TSPEAR: variants seen among roughly 807,000 people sequenced by gnomAD.
TSPEAR encodes thrombospondin-type laminin G domain and EAR repeat-containing protein.
Under a neutral mutation model 71.6 loss-of-function variants are expected in TSPEAR, and 69 were observed. That is an observed-to-expected ratio of 0.96 (90% CI 0.79 to 1.18). The LOEUF (loss-of-function observed/expected upper bound fraction) is 1.18. TSPEAR is among the 50% of genes most tolerant of loss of function. The pLI, the probability that TSPEAR is intolerant of heterozygous loss-of-function variation, is 0.00. For synonymous variants in TSPEAR, 402 were observed against 387.2 expected, an observed-to-expected ratio of 1.04 and a Z score of -0.45; for missense variants, 971 against 894.9, an observed-to-expected ratio of 1.09 and a Z score of -1.09.
intron 1 of TSPEAR, among the ~76,000 whole-genome samples, chr21:44,704,068 T>C (rs562989068): frequency 1.6e-4 from 25 of 152,290 alleles, no homozygotes; most frequent in Non-Finnish European, 2.6e-4. Context: ...ATGCCCTCAA[T>C]TGGGCCAGCT....
At chr21:44,678,851 A>C (rs1986446037) in intron 1 of TSPEAR, among the ~76,000 whole-genome samples, 1 of 152,250 alleles carries the variant, frequency 6.6e-6, no homozygotes, top group Non-Finnish European at 1.5e-5. Context: ...CTGAAAAAGT[A>C]AGCAAAAAGG....
At chr21:44,707,444 G>A (rs1286493907) in intron 1 of TSPEAR, among the ~76,000 whole-genome samples, 1 of 152,214 alleles carries the variant, frequency 6.6e-6, no homozygotes, top group Non-Finnish European at 1.5e-5. Flanking sequence ...CAGACCCGTC[G>A]GGGCCCTCGT....
rs149391083 is a variant in TSPEAR, at chr21:44,607,707, G to C, written c.83-39702C>G. On this transcript the variant is annotated intron_variant, in intron 1 of 11. Coordinates refer to ENST00000323084, the MANE Select transcript of TSPEAR (RefSeq NM_144991.3). Reference sequence around the variant, plus strand: ...CAGATTGAAATAGATGACCAATACCGAGTGTCAGCAAATGTGTGCAGGAAA... The same window carrying C: ...CAGATTGAAATAGATGACCAATACCCAGTGTCAGCAAATGTGTGCAGGAAA... Among the ~76,000 whole-genome samples, 1,139 of 152,152 alleles carry C rather than the reference G, an allele frequency of 7.5e-3. 8 individuals are homozygous for C. The highest frequency in any genetic ancestry group is 0.013 in the Non-Finnish European group (867 of 68,004).
At chr21:44,583,003 T>C (rs1436117759) in intron 1 of TSPEAR, among the ~76,000 whole-genome samples, 1 of 736 alleles carries the variant, frequency 1.4e-3, no homozygotes, top group Non-Finnish European at 0.013. Context: ...TCTTTCTTTC[T>C]TTTTTTTTTT....
Position 44,612,944 on chromosome 21 carries a change from G to A in TSPEAR, c.83-44939C>T, listed in dbSNP as rs587615242. ...ACGTCCCCCAGGGCCAGCCGGCTCC[G>A]GTCCTGTCCTGGGTTAAGTGGCTGC... is the stretch of plus-strand genomic sequence containing the variant. On this transcript the variant is annotated intron_variant, in intron 1 of 11. Transcript: ENST00000323084. This position sits in a 1 kb window ranked among gnomAD's most constrained non-coding sequence, Gnocchi z 4.1. 74 of 1,587,046 alleles carry A rather than the reference G, an allele frequency of 4.7e-5. No homozygotes were observed. Among genetic ancestry groups the A allele is most frequent in the Middle Eastern group, 2.0e-4 (1 of 4,932 alleles).
At chr21:44,548,471 T>C (rs233232) in intron 2 of TSPEAR, among the ~76,000 whole-genome samples, 50,442 of 151,688 alleles carry the variant, frequency 0.33, 9,434 homozygotes, top group African/African-American at 0.52. Flanking sequence ...CAGGTGGGGA[T>C]GGGAAGGTCT....
chr21:44,538,101 G>C (rs782048656), intron 2 of TSPEAR, among the ~76,000 whole-genome samples: 1 of 152,184 alleles, frequency 6.6e-6, no homozygotes, highest in Non-Finnish European at 1.5e-5. Context: ...GCTGCGGCCG[G>C]CCTGGCTGTG....
At chr21:44,658,257 C>T in intron 1 of TSPEAR, 4 of 1,613,516 alleles carry the variant, frequency 2.5e-6, no homozygotes, top group Non-Finnish European at 3.4e-6. Flanking sequence ...TGCAGCACCC[C>T]TTCCTGCTGC....
rs114797258 is a variant in TSPEAR, at chr21:44,665,538, T to C, written c.82+45895A>G. ...TTCATATCACCAGAAATTACTAAAT[T>C]AGAAAACACCCATTTCAGGAATACA... On this transcript the variant is annotated intron_variant, in intron 1 of 11. Transcript: ENST00000323084. Among the ~76,000 whole-genome samples the C allele has an allele frequency of 8.2e-3, 1,253 of 152,312 alleles. 11 individuals are homozygous for C. Among genetic ancestry groups the C allele is most frequent in the African/African-American group, 0.028 (1,176 of 41,560 alleles).
chr21:44,660,786 G>C (rs1428321460), intron 1 of TSPEAR, among the ~76,000 whole-genome samples: 1 of 151,472 alleles, frequency 6.6e-6, no homozygotes, highest in African/African-American at 2.4e-5. Context: ...GGCCAACATG[G>C]TGAAACCCCA....
At chr21:44,693,619 C>T (rs1555950044) in intron 1 of TSPEAR, among the ~76,000 whole-genome samples, 1 of 150,628 alleles carries the variant, frequency 6.6e-6, no homozygotes, top group East Asian at 1.9e-4. Flanking sequence ...ACAATGAATG[C>T]TACTTCACAC....
At chr21:44,672,451 T>C (rs1986103373) in intron 1 of TSPEAR, among the ~76,000 whole-genome samples, 1 of 152,066 alleles carries the variant, frequency 6.6e-6, no homozygotes, top group African/African-American at 2.4e-5. Flanking sequence ...GTGCCTGTAG[T>C]CCCAGCTACT....
chr21:44,701,650 A>G (rs527819217), intron 1 of TSPEAR, among the ~76,000 whole-genome samples: 13 of 152,278 alleles, frequency 8.5e-5, no homozygotes, highest in African/African-American at 3.1e-4. Context: ...TGTGCAGTTC[A>G]CAGCGGGGTT....
intron 8 of TSPEAR, among the ~76,000 whole-genome samples, chr21:44,524,583 TTA>T (rs2052808442): frequency 6.6e-6 from 1 of 151,610 alleles, no homozygotes; most frequent in African/African-American, 2.4e-5. Context: ...AGTCAATCAG[TTA>T]GTCAGGTAGT....
chr21:44,518,477 C>T, intron 9 of TSPEAR: 1 of 388,162 alleles, frequency 2.6e-6, no homozygotes, highest in Non-Finnish European at 5.4e-6. Flanking sequence ...AACGCACTCC[C>T]CAACCCACTG....
chr21:44,515,880 T>A (rs2052550843), intron 9 of TSPEAR: 1 of 152,240 alleles, frequency 6.6e-6, no homozygotes, highest in African/African-American at 2.4e-5. Context: ...ATGGGCCCCA[T>A]GAGTGAAGGG....
At chr21:44,591,607 C>A in intron 1 of TSPEAR, 1 of 1,613,456 alleles carries the variant, frequency 6.2e-7, no homozygotes, top group Non-Finnish European at 8.5e-7. Flanking sequence ...GGAGGCGGTG[C>A]AGCAAGCCGG....
chr21:44,662,548 CT>C (rs1396688190), intron 1 of TSPEAR, among the ~76,000 whole-genome samples: 2 of 152,190 alleles, frequency 1.3e-5, no homozygotes, highest in Non-Finnish European at 2.9e-5. Context: ...TGGACTTCAG[CT>C]TCAAGAGAAC....
At chr21:44,531,394 C>T (rs1306010802) in intron 3 of TSPEAR, among the ~76,000 whole-genome samples, 6 of 152,182 alleles carry the variant, frequency 3.9e-5, no homozygotes, top group Non-Finnish European at 4.4e-5. Flanking sequence ...ACGTGCTCCC[C>T]GTGACCTGTG....
Sources: gnomAD v4.1 joint callset for allele counts (sites outside exome capture counted in the v4.1 genomes callset) on GRCh38, gnomAD v4.1.1 for gene constraint, Gnocchi (gnomAD v3.1) non-coding constraint, MANE v1.5 for transcripts, NCBI Gene and HGNC (gene_info 2026-07-23, HGNC 2026-07-21) for gene names.